Variants in GPC3 observed in about 807,000 individuals in gnomAD.
The protein encoded by GPC3 is glypican-3.
In GPC3, 3 loss-of-function variants were observed where a neutral mutation model predicts 34.4. The observed-to-expected ratio is 0.09, with a 90% CI of 0.04 to 0.23. The LOEUF (loss-of-function observed/expected upper bound fraction) is 0.23, where lower values mean the gene tolerates loss of function less well. GPC3 is among the 10% of genes least tolerant of loss of function. The pLI, the probability that GPC3 is intolerant of heterozygous loss-of-function variation, is 1.00. For synonymous variants in GPC3, 177 were observed against 174.0 expected (o/e 1.02, Z -0.13); for missense variants, 351 against 445.6 (o/e 0.79, Z 1.91).
chrX:133,868,131 T>A (rs1040664142), intron 2 of GPC3, among the ~76,000 whole-genome samples: 1 of 111,938 alleles, frequency 8.9e-6, no homozygotes, highest in African/African-American at 3.2e-5. Flanking sequence ...GAAGGTCCAC[T>A]GAGCTGGTTA....
At chrX:133,711,513 G>A (rs1454698466) in intron 3 of GPC3, among the ~76,000 whole-genome samples, 1 of 111,230 alleles carries the variant, frequency 9.0e-6, no homozygotes, top group Non-Finnish European at 1.9e-5. Context: ...CATACAAGTT[G>A]GAGAACCACT....
At chrX:133,857,047 T>C (rs892694081) in intron 2 of GPC3, among the ~76,000 whole-genome samples, 19 of 96,622 alleles carry the variant, frequency 2.0e-4, no homozygotes, top group African/African-American at 7.3e-4. Context: ...TTATCTACCA[T>C]GTAATGTTTC....
chrX:133,701,994 A>G (rs1294618248), intron 3 of GPC3, among the ~76,000 whole-genome samples: 2 of 112,430 alleles, frequency 1.8e-5, no homozygotes, highest in African/African-American at 3.2e-5. Context: ...AAGACATTCA[A>G]TTTGGCTTTG....
At chrX:133,645,866 G>A (rs935021862) in intron 6 of GPC3, among the ~76,000 whole-genome samples, 8 of 110,606 alleles carry the variant, frequency 7.2e-5, no homozygotes, top group Non-Finnish European at 1.5e-4. Flanking sequence ...AAAAAAGTGA[G>A]GAATTGTGGG....
At chrX:133,707,776 G>A (rs772879691) in intron 3 of GPC3, among the ~76,000 whole-genome samples, 1 of 110,695 alleles carries the variant, frequency 9.0e-6, no homozygotes, top group Non-Finnish European at 1.9e-5. Flanking sequence ...AGTTTATGCT[G>A]CAGTACATTA....
At chrX:133,965,691 T>G (rs754603878) in intron 1 of GPC3, among the ~76,000 whole-genome samples, 2 of 112,039 alleles carry the variant, frequency 1.8e-5, no homozygotes, top group East Asian at 2.8e-4. Flanking sequence ...CCTAGGAAAC[T>G]AATACACTCT....
intron 2 of GPC3, among the ~76,000 whole-genome samples, chrX:133,918,824 T>C (rs2076235503): frequency 8.9e-6 from 1 of 112,182 alleles, no homozygotes; most frequent in Non-Finnish European, 1.9e-5. Context: ...GGACTTGAAC[T>C]ATCAAAAGAT....
intron 2 of GPC3, among the ~76,000 whole-genome samples, chrX:133,772,109 G>A (rs764373751): frequency 1.8e-5 from 2 of 111,133 alleles, no homozygotes; most frequent in African/African-American, 6.6e-5. Flanking sequence ...AGAACGCCAG[G>A]TAGAAGTCAG....
intron 3 of GPC3, among the ~76,000 whole-genome samples, chrX:133,713,986 C>T (rs753979441): frequency 1.8e-5 from 2 of 112,177 alleles, no homozygotes; most frequent in East Asian, 5.6e-4. Flanking sequence ...AAAAATCACA[C>T]AATGACTAAT....
rs771701546 is a variant in GPC3, at chrX:133,557,121, G to A, written c.1574-20828C>T. On this transcript the variant is annotated intron_variant, in intron 7 of 7. Coordinates refer to ENST00000370818, the MANE Select transcript of GPC3 (RefSeq NM_004484.4). Reference sequence around the variant, plus strand: ...ATCCTGGCTAACACAGTGAAACCCCGTCTCTACTAAAAATACAAAAAAATT... The same window carrying A: ...ATCCTGGCTAACACAGTGAAACCCCATCTCTACTAAAAATACAAAAAAATT... Among the ~76,000 whole-genome samples, 3 of 107,104 alleles carry A rather than the reference G, an allele frequency of 2.8e-5. No individual in the cohort carries two copies. In the South Asian group the frequency reaches 1.3e-3, roughly 47 times the overall value. The allele number at this position is 107,104 out of a possible 115,157, so 93.0% of individuals were successfully genotyped here. A position where few individuals can be genotyped will look rare whatever the true frequency, so the allele number is the denominator to read the frequency against.
chrX:133,827,476 G>A (rs999906519), intron 2 of GPC3, among the ~76,000 whole-genome samples: 3 of 111,441 alleles, frequency 2.7e-5, no homozygotes, highest in African/African-American at 9.8e-5. Flanking sequence ...GGGAGTAACC[G>A]TGCTATATAG....
intron 6 of GPC3, among the ~76,000 whole-genome samples, chrX:133,626,122 C>G (rs2070295887): frequency 8.9e-6 from 1 of 111,909 alleles, no homozygotes; most frequent in Admixed American, 9.5e-5. Context: ...ATGTAGAAAG[C>G]TGAAACTGGA....
intron 2 of GPC3, among the ~76,000 whole-genome samples, chrX:133,865,967 C>T (rs752949486): frequency 4.5e-5 from 5 of 111,697 alleles, no homozygotes; most frequent in Admixed American, 9.5e-5. Flanking sequence ...TAAGCAGTAG[C>T]CAGCTACTGA....
chrX:133,580,009 GAACAGAATAGC>G (rs2069719278), intron 7 of GPC3, among the ~76,000 whole-genome samples: 1 of 112,717 alleles, frequency 8.9e-6, no homozygotes, highest in African/African-American at 3.2e-5. Flanking sequence ...ACGCCTGAAG[GAACAGAATAGC>G]AAGTTTGGCA....
At chrX:133,749,104 A>G (rs1405970307) in intron 3 of GPC3, among the ~76,000 whole-genome samples, 2 of 111,482 alleles carry the variant, frequency 1.8e-5, no homozygotes, top group African/African-American at 3.3e-5. Flanking sequence ...CAAAAAAAAT[A>G]CAAAAAATTA....
At chrX:133,567,417 C>T (rs2069592189) in intron 7 of GPC3, among the ~76,000 whole-genome samples, 1 of 112,227 alleles carries the variant, frequency 8.9e-6, no homozygotes, top group African/African-American at 3.2e-5. Flanking sequence ...GAACAGCATC[C>T]TCTGGTTCTG....
chrX:133,625,379 CCT>C (rs1272215894), intron 6 of GPC3, among the ~76,000 whole-genome samples: 1 of 111,697 alleles, frequency 9.0e-6, no homozygotes, highest in African/African-American at 3.3e-5. Flanking sequence ...TCAAATTGCC[CCT>C]GTTTGCAGAT....
At chrX:133,695,981 G>C (rs953842436) in intron 4 of GPC3, among the ~76,000 whole-genome samples, 3 of 111,689 alleles carry the variant, frequency 2.7e-5, no homozygotes, top group Non-Finnish European at 5.6e-5. Flanking sequence ...ATCCAAGGTA[G>C]ATTTGACTAC....
intron 2 of GPC3, among the ~76,000 whole-genome samples, chrX:133,906,113 G>T (rs765712451): frequency 8.9e-6 from 1 of 111,797 alleles, no homozygotes; most frequent in South Asian, 3.8e-4. Flanking sequence ...ACCCCTACTA[G>T]AATGCTGATA....
Sources: allele counts gnomAD v4.1 joint callset (sites outside exome capture counted in the v4.1 genomes callset), GRCh38; gene constraint gnomAD v4.1.1; transcripts MANE v1.5; gene names NCBI Gene and HGNC (gene_info 2026-07-23, HGNC 2026-07-21).